RNGTT: variants seen among roughly 807,000 people sequenced by gnomAD.
The protein encoded by RNGTT is RNA guanylyltransferase and 5'-phosphatase, also known as mRNA-capping enzyme.
In RNGTT, 33 loss-of-function variants were observed where a neutral mutation model predicts 79.3. That is an observed-to-expected ratio of 0.42 (90% CI 0.32 to 0.56). RNGTT has a LOEUF of 0.56. RNGTT is among the 20% of genes least tolerant of loss of function. The pLI, the probability that RNGTT is intolerant of heterozygous loss-of-function variation, is 0.17. For synonymous variants in RNGTT, 222 were observed against 235.9 expected (o/e 0.94, Z 0.54); for missense variants, 497 against 739.1 (o/e 0.67, Z 3.80).
At chr6:88,677,979 CTTTT>C (rs34263662) in intron 14 of RNGTT, 173 of 76,352 alleles carry the variant, frequency 2.3e-3, no homozygotes, top group African/African-American at 9.3e-3. Context: ...CTCACATTCA[CTTTT>C]TTTTTTTTTT....
At chr6:88,822,996 A>T (rs1212707214) in intron 11 of RNGTT, among the ~76,000 whole-genome samples, 1 of 152,224 alleles carries the variant, frequency 6.6e-6, no homozygotes, top group Non-Finnish European at 1.5e-5. Context: ...AATAAAACAT[A>T]GGAGAACATA....
chr6:88,812,626 G>T (rs984287056), intron 11 of RNGTT, among the ~76,000 whole-genome samples: 1 of 152,166 alleles, frequency 6.6e-6, no homozygotes, highest in African/African-American at 2.4e-5. Flanking sequence ...ATGTCTATAC[G>T]TGCCAGGCCA....
intron 13 of RNGTT, among the ~76,000 whole-genome samples, chr6:88,750,837 T>A (rs759179526): frequency 6.6e-6 from 1 of 152,272 alleles, no homozygotes; most frequent in Non-Finnish European, 1.5e-5. Flanking sequence ...GTTTTCATAT[T>A]TTACCTTACA....
intron 11 of RNGTT, among the ~76,000 whole-genome samples, chr6:88,818,872 T>G (rs1780412452): frequency 6.6e-6 from 1 of 152,202 alleles, no homozygotes; most frequent in African/African-American, 2.4e-5. Flanking sequence ...AGAGCTATAT[T>G]TAGTTAGCCA....
chr6:88,945,885 A>C (rs1484170070), intron 1 of RNGTT, among the ~76,000 whole-genome samples: 1 of 152,248 alleles, frequency 6.6e-6, no homozygotes, highest in East Asian at 1.9e-4. Context: ...CACATGTTTA[A>C]GATGACAGCA....
chr6:88,761,755 C>T (rs1391323932), intron 13 of RNGTT, among the ~76,000 whole-genome samples: 1 of 152,156 alleles, frequency 6.6e-6, no homozygotes, highest in African/African-American at 2.4e-5. Context: ...AGTTGAGATA[C>T]ATAGGCAACA....
At chr6:88,632,016 T>C (rs1363854663) in intron 14 of RNGTT, among the ~76,000 whole-genome samples, 1 of 152,072 alleles carries the variant, frequency 6.6e-6, no homozygotes, top group African/African-American at 2.4e-5. Flanking sequence ...GCTAGAGTGG[T>C]GTGGGACGCT....
At chr6:88,643,086 T>C (rs921950962) in intron 14 of RNGTT, among the ~76,000 whole-genome samples, 1 of 152,122 alleles carries the variant, frequency 6.6e-6, no homozygotes, top group African/African-American at 2.4e-5. Context: ...ACACCTAACC[T>C]ACCTAACCTC....
At chr6:88,907,929 C>A (rs1167354912) in intron 4 of RNGTT, among the ~76,000 whole-genome samples, 6 of 151,872 alleles carry the variant, frequency 4.0e-5, no homozygotes, top group African/African-American at 1.2e-4. Flanking sequence ...AAGACAGGGT[C>A]TCATTATGTT....
intron 13 of RNGTT, among the ~76,000 whole-genome samples, chr6:88,734,969 G>A (rs1302464096): frequency 6.6e-6 from 1 of 152,084 alleles, no homozygotes; most frequent in Non-Finnish European, 1.5e-5. Flanking sequence ...TGACTTAACA[G>A]TATTTTCAAC....
At chr6:88,786,150 T>G (rs1326701371) in intron 12 of RNGTT, among the ~76,000 whole-genome samples, 1 of 152,152 alleles carries the variant, frequency 6.6e-6, no homozygotes, top group African/African-American at 2.4e-5. Flanking sequence ...TCCACTATTC[T>G]GTTTTTATTT....
At chr6:88,722,311 T>A (rs1776734792) in intron 13 of RNGTT, among the ~76,000 whole-genome samples, 2 of 152,178 alleles carry the variant, frequency 1.3e-5, no homozygotes, top group South Asian at 4.1e-4. Flanking sequence ...AGACTTTGGT[T>A]TTCAGCTACA....
At chr6:88,826,869 T>A (rs1475011817) in intron 11 of RNGTT, among the ~76,000 whole-genome samples, 14 of 146,284 alleles carry the variant, frequency 9.6e-5, no homozygotes, top group Admixed American at 4.1e-4. Context: ...TATATATATA[T>A]AATATACTAT....
At position 88,890,616 on chromosome 6, in the gene RNGTT, T is replaced by C; in HGVS notation, c.795-20A>G. 6.5e-7 allele frequency: 1 copy of C among 1,548,076 alleles called. No individual in the cohort carries two copies. Among genetic ancestry groups the C allele is most frequent in the Non-Finnish European group, 8.9e-7 (1 of 1,123,884 alleles). On this transcript the variant is annotated intron_variant, in intron 7 of 15. Coordinates refer to ENST00000369485, the MANE Select transcript of RNGTT (RefSeq NM_003800.5). ...CCAGACCTTAAAGAAGAACACAGTA[T>C]TACTATCGTGGCTGGTATCCATACA...
chr6:88,744,680 C>T (rs1562230070), intron 13 of RNGTT, among the ~76,000 whole-genome samples: 2 of 151,954 alleles, frequency 1.3e-5, no homozygotes, highest in African/African-American at 4.8e-5. Context: ...GTTTTTTATG[C>T]TATGATATGA....
intron 11 of RNGTT, among the ~76,000 whole-genome samples, chr6:88,824,777 C>T (rs114468944): frequency 0.01 from 1,521 of 145,374 alleles, 24 homozygotes; most frequent in African/African-American, 0.036. Flanking sequence ...TTTTTGGAGA[C>T]GTCTTACTCT....
intron 6 of RNGTT, among the ~76,000 whole-genome samples, chr6:88,894,365 A>G (rs1009653772): frequency 3.3e-5 from 5 of 152,210 alleles, no homozygotes; most frequent in African/African-American, 1.2e-4. Context: ...AAAATCCACA[A>G]TGGATAAAAG....
At chr6:88,634,897 ATTATTG>A (rs770330471) in intron 14 of RNGTT, among the ~76,000 whole-genome samples, 19 of 151,992 alleles carry the variant, frequency 1.3e-4, no homozygotes, top group Non-Finnish European at 2.5e-4. Context: ...AGTATTATAC[ATTATTG>A]TTATTATTAA....
chr6:88,934,539 G>A (rs1423377811), intron 2 of RNGTT, among the ~76,000 whole-genome samples: 3 of 151,772 alleles, frequency 2.0e-5, no homozygotes, highest in African/African-American at 7.3e-5. Context: ...CCAGTTCTTT[G>A]TATATTCTGG....
Sources: gnomAD v4.1 joint callset for allele counts (sites outside exome capture counted in the v4.1 genomes callset) on GRCh38, gnomAD v4.1.1 for gene constraint, MANE v1.5 for transcripts, NCBI Gene and HGNC (gene_info 2026-07-23, HGNC 2026-07-21) for gene names.